Variants in CACNA1D observed in about 807,000 individuals in gnomAD.
CACNA1D encodes the protein calcium voltage-gated channel subunit alpha1 D.
Under a neutral mutation model 257.1 loss-of-function variants are expected in CACNA1D, and 55 were observed. That is an observed-to-expected ratio of 0.21 (90% CI 0.17 to 0.27). The LOEUF is 0.27. CACNA1D is among the 10% of genes least tolerant of loss of function. The pLI, the probability that CACNA1D is intolerant of heterozygous loss-of-function variation, is 1.00. For missense variants in CACNA1D, 1,876 were observed against 2,784.0 expected (o/e 0.67, Z 7.34); for synonymous variants, 980 against 1,014.9 (o/e 0.97, Z 0.65).
intron 3 of CACNA1D, among the ~76,000 whole-genome samples, chr3:53,529,176 A>G (rs1203679218): frequency 6.6e-6 from 1 of 152,054 alleles, no homozygotes; most frequent in African/African-American, 2.4e-5. Context: ...TGGTTGAGGA[A>G]GTTTCCTTCT....
chr3:53,765,150 G>A (rs926783599), intron 30 of CACNA1D, among the ~76,000 whole-genome samples: 1 of 152,204 alleles, frequency 6.6e-6, no homozygotes, highest in Non-Finnish European at 1.5e-5. Flanking sequence ...AAAAAGGACT[G>A]GGTGTCCTTA....
chr3:53,696,217 C>T (rs180740158), intron 8 of CACNA1D, among the ~76,000 whole-genome samples: 81 of 152,352 alleles, frequency 5.3e-4, no homozygotes, highest in African/African-American at 1.9e-3. Flanking sequence ...ATCCTCCCAC[C>T]ATCACCTCCC....
intron 3 of CACNA1D, among the ~76,000 whole-genome samples, chr3:53,569,755 G>A (rs2092911415): frequency 6.6e-6 from 1 of 152,126 alleles, no homozygotes; most frequent in South Asian, 2.1e-4. Flanking sequence ...AGGCTATTTG[G>A]GATAGTAGAA....
At chr3:53,656,979 C>T (rs2094153729) in intron 4 of CACNA1D, among the ~76,000 whole-genome samples, 1 of 152,124 alleles carries the variant, frequency 6.6e-6, no homozygotes, top group African/African-American at 2.4e-5. Flanking sequence ...GGTATAATCA[C>T]TTTGGAAAAA....
At chr3:53,594,709 ACT>A (rs111464356) in intron 3 of CACNA1D, among the ~76,000 whole-genome samples, 1 of 152,172 alleles carries the variant, frequency 6.6e-6, no homozygotes, top group African/African-American at 2.4e-5. Context: ...GGCTGATCCC[ACT>A]CTCTGCATGC....
At chr3:53,617,868 T>A (rs1004477704) in intron 3 of CACNA1D, among the ~76,000 whole-genome samples, 4 of 152,176 alleles carry the variant, frequency 2.6e-5, no homozygotes, top group Non-Finnish European at 5.9e-5. Context: ...GAAAGAGCCC[T>A]GGACTTGGAG....
At chr3:53,657,068 A>C (rs2094154705) in intron 4 of CACNA1D, among the ~76,000 whole-genome samples, 1 of 152,206 alleles carries the variant, frequency 6.6e-6, no homozygotes, top group South Asian at 2.1e-4. Flanking sequence ...GTGTTTATCC[A>C]AGAAAAATGA....
intron 11 of CACNA1D, 32 bp from the exon 12 acceptor site, chr3:53,722,274 GTATCTGTC>G (rs2094890400): frequency 1.2e-6 from 2 of 1,608,398 alleles, no homozygotes; most frequent in Non-Finnish European, 1.7e-6. Flanking sequence ...CTCAGATGCT[GTATCTGTC>G]ATCTACGTAG....
At position 53,802,219 on chromosome 3, in the gene CACNA1D, G is replaced by A. The variant is rs537824008; in HGVS notation, c.5435+46G>A. ...TTTGTGTTAAATACTGTGATGGTATGTTACCAGCTGGCCTCTCTGAGTGCT... is the reference window on the plus strand; with the variant it reads ...TTTGTGTTAAATACTGTGATGGTATATTACCAGCTGGCCTCTCTGAGTGCT... On this transcript the variant is annotated intron_variant, in intron 43 of 47. Coordinates refer to ENST00000350061, the MANE Select transcript of CACNA1D (RefSeq NM_001128840.3). 5.5e-6 allele frequency: 8 copies of A among 1,448,898 alleles called. No homozygotes were observed. The South Asian group carries it at 9.1e-5, about 17-fold the overall frequency. The allele number at this position is 1,448,898 out of a possible 1,614,324, so 89.8% of individuals were successfully genotyped here.
At chr3:53,565,216 A>G (rs765840712) in intron 3 of CACNA1D, among the ~76,000 whole-genome samples, 3 of 152,108 alleles carry the variant, frequency 2.0e-5, no homozygotes, top group Middle Eastern at 3.2e-3. Context: ...TGCCTTTATA[A>G]TAATTCTTGA....
rs563264194 is a variant in CACNA1D, at chr3:53,717,749, A to G, written c.1391-552A>G. Among the ~76,000 whole-genome samples the G allele has an allele frequency of 2.6e-5, 4 of 152,362 alleles. No individual in the cohort carries two copies. In the East Asian group the frequency reaches 7.7e-4, roughly 29 times the overall value. ...TTCACAAGCTCAGCAGAACTTCAGC[A>G]TCAGGTAAAATAGCAAAAAAATAGA... On this transcript the variant is annotated intron_variant, in intron 9 of 47. Coordinates refer to ENST00000350061, the MANE Select transcript of CACNA1D (RefSeq NM_001128840.3).
intron 8 of CACNA1D, among the ~76,000 whole-genome samples, chr3:53,696,871 C>T (rs1457844743): frequency 6.6e-6 from 1 of 152,140 alleles, no homozygotes; most frequent in Non-Finnish European, 1.5e-5. Flanking sequence ...TGACCTTCAT[C>T]CTTGAGGGAG....
intron 3 of CACNA1D, among the ~76,000 whole-genome samples, chr3:53,525,429 G>C (rs545294487): frequency 6.6e-6 from 1 of 152,310 alleles, no homozygotes; most frequent in East Asian, 1.9e-4. Flanking sequence ...ACTCATTCCT[G>C]TTGTCTTCCA....
chr3:53,615,157 C>A (rs1315392452), intron 3 of CACNA1D, among the ~76,000 whole-genome samples: 2 of 152,070 alleles, frequency 1.3e-5, no homozygotes, highest in Non-Finnish European at 2.9e-5. Context: ...TTTTATGTGT[C>A]CCCTGCTCTC....
chr3:53,629,564 CT>C (rs1319823891), intron 3 of CACNA1D, among the ~76,000 whole-genome samples: 1 of 152,208 alleles, frequency 6.6e-6, no homozygotes, highest in Non-Finnish European at 1.5e-5. Context: ...TGTGTTTCTG[CT>C]AGCAGCAGCA....
At chr3:53,680,819 CT>C (rs1439376195) in intron 8 of CACNA1D, among the ~76,000 whole-genome samples, 2 of 152,138 alleles carry the variant, frequency 1.3e-5, no homozygotes, top group Non-Finnish European at 2.9e-5. Context: ...CAACATTATG[CT>C]TTTTTTCTCT....
intron 8 of CACNA1D, among the ~76,000 whole-genome samples, chr3:53,677,678 CTG>C (rs1465180966): frequency 7.9e-5 from 12 of 152,314 alleles, no homozygotes; most frequent in Middle Eastern, 6.8e-3. Context: ...TGTGGAAGCA[CTG>C]TGTCAGCTGC....
At chr3:53,766,284 A>C (rs1403655515) in intron 30 of CACNA1D, 1 of 152,032 alleles carries the variant, frequency 6.6e-6, no homozygotes, top group Non-Finnish European at 1.5e-5. Flanking sequence ...TCATATGTGA[A>C]CCCTTTCCCA....
chr3:53,703,904 C>T (rs564845494), intron 9 of CACNA1D, among the ~76,000 whole-genome samples: 9 of 152,230 alleles, frequency 5.9e-5, no homozygotes, highest in African/African-American at 1.4e-4. Context: ...CAGGCACCGC[C>T]GACGAGGGAT....
Sources: gnomAD v4.1 joint callset for allele counts (sites outside exome capture counted in the v4.1 genomes callset) on GRCh38, gnomAD v4.1.1 for gene constraint, MANE v1.5 for transcripts, NCBI Gene and HGNC (gene_info 2026-07-23, HGNC 2026-07-21) for gene names.